The following SLC14A2 variants were observed in gnomAD, a reference collection of about 807,000 sequenced individuals.
The protein encoded by SLC14A2 is urea transporter 2.
A neutral mutation model predicts 104.6 loss-of-function variants in SLC14A2; 91 were observed. The observed-to-expected ratio is 0.87, with a 90% confidence interval of 0.73 to 1.04. The LOEUF (loss-of-function observed/expected upper bound fraction) is 1.04, where lower values mean the gene tolerates loss of function less well. Ranked by LOEUF, SLC14A2 falls within the 50% of genes least tolerant of loss-of-function variation. The probability of loss-of-function intolerance (pLI) is 0.00; values close to 1 mark genes in which losing one functional copy is unlikely to be tolerated. For missense variants in SLC14A2, 1,189 were observed against 1,156.0 expected (o/e 1.03, Z -0.41); for synonymous variants, 476 against 466.4 (o/e 1.02, Z -0.27).
chr18:45,603,961 C>T (rs2144419484), intron 2 of SLC14A2, among the ~76,000 whole-genome samples: 1 of 152,330 alleles, frequency 6.6e-6, no homozygotes, highest in South Asian at 2.1e-4. Flanking sequence ...AACATATTTA[C>T]TTTCAAATGT....
intron 2 of SLC14A2, among the ~76,000 whole-genome samples, chr18:45,591,512 T>C (rs898345316): frequency 6.6e-5 from 10 of 152,192 alleles, no homozygotes; most frequent in African/African-American, 2.4e-4. Flanking sequence ...TGTTTTTGTA[T>C]TTTTAGTACA....
chr18:45,458,859 A>G (rs1304526009), intron 1 of SLC14A2, among the ~76,000 whole-genome samples: 4 of 152,218 alleles, frequency 2.6e-5, no homozygotes, highest in Non-Finnish European at 5.9e-5. Context: ...AAGACTTTTC[A>G]CAATTCCACT....
intron 1 of SLC14A2, among the ~76,000 whole-genome samples, chr18:45,298,309 A>G (rs902963382): frequency 6.6e-6 from 1 of 152,216 alleles, no homozygotes; most frequent in Non-Finnish European, 1.5e-5. Context: ...GCCGTTACTT[A>G]GAGAAAAGGC....
At chr18:45,243,601 A>G (rs1017903498) in intron 1 of SLC14A2, among the ~76,000 whole-genome samples, 1 of 152,218 alleles carries the variant, frequency 6.6e-6, no homozygotes, top group African/African-American at 2.4e-5. Context: ...GTTTCCAAAC[A>G]AGAAGGTTTT....
At chr18:45,367,859 A>T (rs1322852357) in intron 1 of SLC14A2, among the ~76,000 whole-genome samples, 1 of 152,164 alleles carries the variant, frequency 6.6e-6, no homozygotes, top group Non-Finnish European at 1.5e-5. Context: ...TCTTGAGTTC[A>T]GGAATTGTAA....
intron 1 of SLC14A2, among the ~76,000 whole-genome samples, chr18:45,398,585 T>TA (rs1568182852): frequency 1.5e-4 from 22 of 151,480 alleles, no homozygotes; most frequent in Admixed American, 6.6e-4. Context: ...CAAATTGTGG[T>TA]TATATACATA....
intron 1 of SLC14A2, among the ~76,000 whole-genome samples, chr18:45,241,800 C>A (rs112920798): frequency 2.0e-5 from 3 of 151,882 alleles, no homozygotes; most frequent in Non-Finnish European, 4.4e-5. Context: ...TGTACCACCA[C>A]GCCCAGTTAA....
At chr18:45,338,609 T>A (rs1187491207) in intron 1 of SLC14A2, among the ~76,000 whole-genome samples, 1 of 128,616 alleles carries the variant, frequency 7.8e-6, no homozygotes, top group Non-Finnish European at 1.5e-5. Context: ...ATGTGTAACC[T>A]CACCACGACA....
At chr18:45,549,600 A>G (rs2044027123) in intron 2 of SLC14A2, among the ~76,000 whole-genome samples, 1 of 152,202 alleles carries the variant, frequency 6.6e-6, no homozygotes, top group South Asian at 2.1e-4. Context: ...TAAAGAGCAA[A>G]TGCCGCCTTA....
chr18:45,382,954 G>T (rs538337296), intron 1 of SLC14A2, among the ~76,000 whole-genome samples: 2 of 152,160 alleles, frequency 1.3e-5, no homozygotes, highest in Non-Finnish European at 2.9e-5. Context: ...GGTTGATATT[G>T]GTTGTCTCCA....
chr18:45,205,090 T>C, the SLC14A2 span, among the ~76,000 whole-genome samples: 1 of 152,182 alleles, frequency 6.6e-6, no homozygotes, highest in Non-Finnish European at 1.5e-5. Context: ...AGCTTCCACT[T>C]GGTGCTGGAC....
chr18:45,441,502 C>A (rs2086681864), intron 1 of SLC14A2, among the ~76,000 whole-genome samples: 1 of 152,218 alleles, frequency 6.6e-6, no homozygotes, highest in Non-Finnish European at 1.5e-5. Flanking sequence ...GTGGGACCAC[C>A]AGTGCTTAGT....
intron 1 of SLC14A2, among the ~76,000 whole-genome samples, chr18:45,432,106 A>C (rs2086526378): frequency 6.6e-6 from 1 of 152,162 alleles, no homozygotes; most frequent in Non-Finnish European, 1.5e-5. Flanking sequence ...ATTTGTTCTT[A>C]GTCACTATTT....
chr18:45,234,046 T>C (rs1199445304), intron 1 of SLC14A2, among the ~76,000 whole-genome samples: 1 of 151,624 alleles, frequency 6.6e-6, no homozygotes, highest in East Asian at 1.9e-4. Flanking sequence ...TTATCAGAGG[T>C]AATTTCTGCA....
At chr18:45,391,616 T>C (rs545762091) in intron 1 of SLC14A2, among the ~76,000 whole-genome samples, 2 of 152,354 alleles carry the variant, frequency 1.3e-5, no homozygotes, top group Admixed American at 6.5e-5. Flanking sequence ...ATGATCACCA[T>C]TCTAACTGGT....
At chr18:45,618,783 A>G (rs2045116910) in intron 1 of SLC14A2, among the ~76,000 whole-genome samples, 2 of 151,108 alleles carry the variant, frequency 1.3e-5, no homozygotes, top group South Asian at 4.2e-4. Flanking sequence ...AGGGATAGGG[A>G]GAGAGCTTTG....
At chr18:45,370,539 C>T (rs571473146) in intron 1 of SLC14A2, among the ~76,000 whole-genome samples, 9 of 152,318 alleles carry the variant, frequency 5.9e-5, no homozygotes, top group Admixed American at 5.2e-4. Flanking sequence ...TGTGTTCACT[C>T]AACCTTTTCC....
intron 10 of SLC14A2, among the ~76,000 whole-genome samples, chr18:45,644,981 G>A (rs1568311819): frequency 6.6e-6 from 1 of 152,096 alleles, no homozygotes; most frequent in Non-Finnish European, 1.5e-5. Context: ...AGCCCCACGT[G>A]CATTAGGTAG....
chr18:45,473,713 T>C (rs1213769754), intron 1 of SLC14A2, among the ~76,000 whole-genome samples: 1 of 152,210 alleles, frequency 6.6e-6, no homozygotes, highest in East Asian at 1.9e-4. Flanking sequence ...GCTTGTGACT[T>C]TTGCACATTG....
Sources: allele counts gnomAD v4.1 joint callset (sites outside exome capture counted in the v4.1 genomes callset), GRCh38; gene constraint gnomAD v4.1.1; transcripts MANE v1.5; gene names NCBI Gene and HGNC (gene_info 2026-07-23, HGNC 2026-07-21).